ZNF846: variants seen among roughly 807,000 people sequenced by gnomAD.
ZNF846 encodes the protein zinc finger protein 420 pseudogene.
A neutral mutation model predicts 16.0 loss-of-function variants in ZNF846; 15 were observed. The observed-to-expected ratio is 0.94, with a 90% CI of 0.63 to 1.45. The LOEUF (loss-of-function observed/expected upper bound fraction) is 1.45, where lower values mean the gene tolerates loss of function less well. ZNF846 is among the 40% of genes most tolerant of loss of function. The pLI is 0.00. For missense variants in ZNF846, 714 were observed against 622.3 expected (o/e 1.15, Z -1.57); for synonymous variants, 229 against 212.0 (o/e 1.08, Z -0.70).
intron 1 of ZNF846, among the ~76,000 whole-genome samples, chr19:9,783,891 C>A (rs1310543749): frequency 6.6e-6 from 1 of 151,864 alleles, no homozygotes; most frequent in Non-Finnish European, 1.5e-5. Flanking sequence ...TTTGTAGATA[C>A]CGGGTTTTGC....
intron 1 of ZNF846, among the ~76,000 whole-genome samples, chr19:9,777,403 T>G (rs1169920476): frequency 2.0e-5 from 3 of 152,032 alleles, no homozygotes; most frequent in Non-Finnish European, 2.9e-5. Flanking sequence ...CCGGGTGCGG[T>G]GGCTCATGCC....
chr19:9,762,339 A>T (rs543558410), intron 3 of ZNF846, 171 bp from the exon 4 acceptor site: 6 of 566,108 alleles, frequency 1.1e-5, no homozygotes, highest in South Asian at 8.1e-5. Context: ...AACTATTTTT[A>T]AAATAACAAA....
At chr19:9,784,736 C>T (rs961654852) in intron 1 of ZNF846, among the ~76,000 whole-genome samples, 3 of 152,112 alleles carry the variant, frequency 2.0e-5, no homozygotes, top group Admixed American at 2.0e-4. Context: ...GAGGTGCCTG[C>T]GGCCTTCCAC....
chr19:9,765,958 G>A (rs1361633397), intron 1 of ZNF846, among the ~76,000 whole-genome samples: 1 of 151,846 alleles, frequency 6.6e-6, no homozygotes, highest in African/African-American at 2.4e-5. Context: ...ACACATATAT[G>A]AAAACAAAGA....
chr19:9,761,808 A>G (rs577441850), intron 4 of ZNF846, among the ~76,000 whole-genome samples: 2 of 152,292 alleles, frequency 1.3e-5, no homozygotes, highest in South Asian at 2.1e-4. Context: ...CAAGAAAGCA[A>G]TATAAGAAGG....
upstream of ZNF846, among the ~76,000 whole-genome samples, chr19:9,773,402 C>A (rs1037191921): frequency 1.3e-5 from 2 of 152,024 alleles, no homozygotes; most frequent in Non-Finnish European, 2.9e-5. Flanking sequence ...TTGCCTGTAC[C>A]TATAGCTGAG....
chr19:9,774,733 C>A (rs1259676101), intron 1 of ZNF846: 6 of 1,548,594 alleles, frequency 3.9e-6, no homozygotes, highest in East Asian at 2.2e-5. Context: ...ACCCAAATAT[C>A]GACGAAAAGG....
At chr19:9,764,124 T>C (rs1211356828) in intron 2 of ZNF846, among the ~76,000 whole-genome samples, 1 of 152,154 alleles carries the variant, frequency 6.6e-6, no homozygotes, top group Non-Finnish European at 1.5e-5. Context: ...ATGCGACCCT[T>C]GTGGAGAGCC....
downstream of ZNF846, among the ~76,000 whole-genome samples, chr19:9,749,045 C>T (rs1028628294): frequency 6.6e-6 from 1 of 152,138 alleles, no homozygotes; most frequent in Non-Finnish European, 1.5e-5. Context: ...AACTCCCGTC[C>T]ACCTGCAGGA....
At chr19:9,774,467 CAAAAA>C in intron 1 of ZNF846, 6 of 706,084 alleles carry the variant, frequency 8.5e-6, no homozygotes, top group Non-Finnish European at 1.4e-5. Context: ...GACTCCGTCT[CAAAAA>C]AAAAAAAAAA....
At chr19:9,758,818 G>A (rs986124772) in intron 5 of ZNF846, 54 bp from the exon 6 acceptor site, 1 of 1,361,182 alleles carries the variant, frequency 7.3e-7, no homozygotes, top group African/African-American at 1.5e-5. Context: ...TATGGTAACA[G>A]AATTTCTCCC....
intron 1 of ZNF846, among the ~76,000 whole-genome samples, chr19:9,783,428 C>T (rs899295829): frequency 1.4e-5 from 2 of 147,506 alleles, no homozygotes; most frequent in African/African-American, 4.9e-5. Flanking sequence ...CAGGGTTTCG[C>T]CATGTTGGCC....
chr19:9,779,089 G>C (rs2045475485), intron 1 of ZNF846, among the ~76,000 whole-genome samples: 1 of 152,098 alleles, frequency 6.6e-6, no homozygotes, highest in African/African-American at 2.4e-5. Context: ...TGTAAAATGA[G>C]GGTTAGATTA....
At chr19:9,749,580 A>C (rs1599378630), downstream of ZNF846, among the ~76,000 whole-genome samples, 15 of 114,924 alleles carry the variant, frequency 1.3e-4, no homozygotes, top group South Asian at 2.6e-4. Flanking sequence ...TTTTCTACTC[A>C]CTCTTATCCT....
downstream of ZNF846, chr19:9,756,407 C>A (rs1348051242): frequency 7.6e-6 from 1 of 132,214 alleles, no homozygotes; most frequent in Non-Finnish European, 1.5e-5. Context: ...ATATTTCTAA[C>A]ATTCATAATG....
chr19:9,767,215 A>C (rs1258570199), intron 1 of ZNF846, among the ~76,000 whole-genome samples: 4 of 151,822 alleles, frequency 2.6e-5, no homozygotes, highest in African/African-American at 9.7e-5. Flanking sequence ...AGCTCACCAC[A>C]ACCTCTGCCT....
At position 9,765,726 on chromosome 19, in the gene ZNF846, CAT is replaced by C. The variant is rs576695835; in HGVS notation, c.-85-693_-85-692del. Among the ~76,000 whole-genome samples, 16 of 152,206 alleles carry C rather than the reference CAT, an allele frequency of 1.1e-4. 1 individual carries two copies. The highest frequency in any genetic ancestry group is 1.0e-3 in the Admixed American group (16 of 15,288). ...GCATTTCCATACCCTGCATTGCAGA[CAT>C]AGTCTTTTCCATGGCATGCCTCCCA... On this transcript the variant is annotated intron_variant, in intron 1 of 5. Coordinates refer to ENST00000397902, the Ensembl canonical transcript of ZNF846.
chr19:9,764,661 G>A (rs1025794580), intron 2 of ZNF846: 13 of 466,628 alleles, frequency 2.8e-5, no homozygotes, highest in South Asian at 2.2e-4. Context: ...TCACTATCTT[G>A]TGTGTGTCTA....
At chr19:9,766,412 C>CAA (rs58139573) in intron 1 of ZNF846, among the ~76,000 whole-genome samples, 34 of 72,272 alleles carry the variant, frequency 4.7e-4, no homozygotes, top group East Asian at 1.0e-3. Flanking sequence ...GACTCTGTCA[C>CAA]AAAAAAAAAA....
Sources: gnomAD v4.1 joint callset for allele counts (sites outside exome capture counted in the v4.1 genomes callset) on GRCh38, gnomAD v4.1.1 for gene constraint, MANE v1.5 for transcripts, NCBI Gene and HGNC (gene_info 2026-07-23, HGNC 2026-07-21) for gene names.